Variants in MCMBP observed in about 807,000 individuals in gnomAD.
MCMBP encodes the protein mini-chromosome maintenance complex-binding protein.
In MCMBP, 31 loss-of-function variants were observed where a neutral mutation model predicts 81.3. That is an observed-to-expected ratio of 0.38 (90% CI 0.29 to 0.51). MCMBP has a LOEUF of 0.51. Ranked by LOEUF, MCMBP falls within the 20% of genes least tolerant of loss-of-function variation. The pLI is 0.87. For missense variants in MCMBP, 645 were observed against 772.1 expected, an observed-to-expected ratio of 0.84 and a Z score of 1.95; for synonymous variants, 267 against 275.9, an observed-to-expected ratio of 0.97 and a Z score of 0.32.
At chr10:119,858,790 C>T in intron 4 of MCMBP, 94 bp downstream of exon 4, 2 of 956,176 alleles carry the variant, frequency 2.1e-6, no homozygotes. Context: ...GTAACTTATA[C>T]ACAAGATAAA....
chr10:119,834,837 G>A (rs936421954), intron 14 of MCMBP, among the ~76,000 whole-genome samples: 2 of 134,466 alleles, frequency 1.5e-5, no homozygotes, highest in African/African-American at 5.7e-5. Context: ...ACTCTAGCCT[G>A]GATGACACAG....
chr10:119,860,802 C>T (rs921569843), intron 1 of MCMBP, among the ~76,000 whole-genome samples: 3 of 152,160 alleles, frequency 2.0e-5, no homozygotes, highest in African/African-American at 7.2e-5. Context: ...TCAAGTATAA[C>T]CGAACTGCTG....
rs559195191 is a variant in MCMBP at position 119,859,880 on chromosome 10, T to C, written c.63A>G (p.Gln21=). Residue 21 remains glutamine, a synonymous_variant, in exon 2 of 16, where the codon CAA becomes CAG. Transcript: ENST00000369077. Reference sequence around the variant, plus strand: ...TCTCCCAGTCAGGATTAACTCCATTTTGGGCTGAAAGAGAAATATACTTTT... The same window carrying C: ...TCTCCCAGTCAGGATTAACTCCATTCTGGGCTGAAAGAGAAATATACTTTT... The part of the protein sequence containing the change: ...PLGIVQGFFA[Q]NGVNPDWEKK... The C allele has an allele frequency of 1.9e-5, 30 of 1,609,956 alleles. No homozygotes were observed. In the East Asian group the frequency reaches 6.7e-4, roughly 36 times the overall value.
chr10:119,840,881 C>T lies in MCMBP; in HGVS notation c.1204G>A (p.Glu402Lys). The T allele has an allele frequency of 1.2e-6, 2 of 1,608,214 alleles. No individual in the cohort carries two copies. The highest frequency in any genetic ancestry group is 1.7e-6 in the Non-Finnish European group (2 of 1,177,928). ...SGCPRNSTFT[E>K]HLYRIIQHLV... ...TGTTGAATAATTCGATACAAGTGTT[C>T]TGTGAAGGTACTATTCCGTGGGCAA... The change falls in exon 11 of 16, where the codon GAA (glutamate) becomes AAA (lysine). Residue 402 changes from glutamate (E) to lysine (K), a missense_variant. Glu to Lys is a moderately conservative substitution (Grantham distance 56, BLOSUM62 1). Transcript: ENST00000369077.
chr10:119,834,671 C>T (rs1277494669), intron 14 of MCMBP, among the ~76,000 whole-genome samples: 1 of 151,692 alleles, frequency 6.6e-6, no homozygotes, highest in Non-Finnish European at 1.5e-5. Context: ...CAAACACACA[C>T]ACACACCCAA....
At chr10:119,842,965 C>G (rs935063171) in intron 9 of MCMBP, 2 of 392,602 alleles carry the variant, frequency 5.1e-6, no homozygotes, top group Non-Finnish European at 9.7e-6. Context: ...ATTGGCCAGG[C>G]TAGTCTCGAA....
intron 1 of MCMBP, among the ~76,000 whole-genome samples, chr10:119,869,728 T>C (rs1853599678): frequency 6.6e-6 from 1 of 151,790 alleles, no homozygotes; most frequent in Non-Finnish European, 1.5e-5. Flanking sequence ...CGAAACTCCA[T>C]CTCAAAAACA....
At chr10:119,852,060 G>A (rs1427009512) in intron 6 of MCMBP, among the ~76,000 whole-genome samples, 1 of 148,082 alleles carries the variant, frequency 6.8e-6, no homozygotes, top group African/African-American at 2.5e-5. Flanking sequence ...GCTGAGGCAG[G>A]AGAATTGCTT....
chr10:119,847,864 G>C (rs1852672037), intron 7 of MCMBP, 151 bp from the exon 8 acceptor site: 2 of 468,074 alleles, frequency 4.3e-6, no homozygotes, highest in East Asian at 3.3e-5. Context: ...TTGAGACCAA[G>C]AGTCATTCTG....
intron 1 of MCMBP, among the ~76,000 whole-genome samples, chr10:119,871,910 G>C (rs560744755): frequency 6.6e-6 from 1 of 152,340 alleles, no homozygotes; most frequent in South Asian, 2.1e-4. Context: ...ACAAACTCAA[G>C]TAGCTCAATA....
chr10:119,838,451 T>C, intron 12 of MCMBP, 84 bp downstream of exon 12: 1 of 1,343,674 alleles, frequency 7.4e-7, no homozygotes, highest in Non-Finnish European at 1.0e-6. Flanking sequence ...AATTTGTCCA[T>C]AGATACTCTT....
chr10:119,842,933 A>G (rs1266705325), intron 9 of MCMBP: 1 of 373,690 alleles, frequency 2.7e-6, no homozygotes. Flanking sequence ...TTGTATTTTT[A>G]GTAGAGCCAG....
At chr10:119,870,465 T>C (rs1853634133) in intron 1 of MCMBP, among the ~76,000 whole-genome samples, 1 of 151,906 alleles carries the variant, frequency 6.6e-6, no homozygotes, top group African/African-American at 2.4e-5. Context: ...AATGCATATT[T>C]CAAAATAAAA....
chr10:119,837,241 G>A lies in MCMBP; in HGVS notation c.1409-212C>T, dbSNP rs3765507. 4.2e-3 allele frequency among the ~76,000 whole-genome samples: 643 copies of A among 152,086 alleles called. 21 individuals carry two copies. In the East Asian group the frequency reaches 0.088, roughly 21 times the overall value. ...CTTTCTGGGGGCAGGCGATACCCCC[G>A]CAAATCTAATACCTAGCATCTGGTA... On this transcript the variant is annotated intron_variant, in intron 12 of 15. Transcript: ENST00000369077.
At chr10:119,871,343 ATTT>A (rs1158096426) in intron 1 of MCMBP, among the ~76,000 whole-genome samples, 1 of 145,490 alleles carries the variant, frequency 6.9e-6, no homozygotes, top group South Asian at 2.2e-4. Flanking sequence ...TATATAGTGA[ATTT>A]TTTTTTTTTT....
At chr10:119,831,981 G>C in intron 15 of MCMBP, 31 bp downstream of exon 15, 8 of 1,580,700 alleles carry the variant, frequency 5.1e-6, no homozygotes, top group Non-Finnish European at 6.0e-6. Context: ...CAAGCTTACC[G>C]AAACAGCAAT....
chr10:119,862,909 T>C (rs1185929529), intron 1 of MCMBP, among the ~76,000 whole-genome samples: 1 of 152,252 alleles, frequency 6.6e-6, no homozygotes, highest in African/African-American at 2.4e-5. Flanking sequence ...CTAACAATGC[T>C]GAACTCTTCT....
chr10:119,837,004 G>C lies in MCMBP; in HGVS notation c.1434C>G (p.Ser478Arg). The change falls in exon 13 of 16, where the codon AGC becomes AGG. Residue 478 changes from serine (S) to arginine (R), a missense_variant. Ser to Arg is a moderately radical substitution (Grantham distance 110, BLOSUM62 -1). Coordinates refer to ENST00000369077, the MANE Select transcript of MCMBP (RefSeq NM_001256378.2). Reference sequence around the variant, plus strand: ...CCACCTTCTGCCACGTTATGAGGTTGCTCAGGGCTGTCACATTATGAACAC... The same window carrying C: ...CCACCTTCTGCCACGTTATGAGGTTCCTCAGGGCTGTCACATTATGAACAC... ...TPGVHNVTAL[S>R]NLITWQKVDY... The C allele has an allele frequency of 6.2e-7, 1 of 1,613,590 alleles. No homozygotes were observed. The highest frequency in any genetic ancestry group is 8.5e-7 in the Non-Finnish European group (1 of 1,179,786).
upstream of MCMBP, chr10:119,873,312 C>T (rs1336601273): frequency 1.3e-5 from 2 of 152,184 alleles, no homozygotes; most frequent in Non-Finnish European, 2.9e-5. Flanking sequence ...GGTGACTTTT[C>T]CCTCAGCTGC....
Sources: gnomAD v4.1 joint callset for allele counts (sites outside exome capture counted in the v4.1 genomes callset) on GRCh38, gnomAD v4.1.1 for gene constraint, MANE v1.5 for transcripts, NCBI Gene and HGNC (gene_info 2026-07-23, HGNC 2026-07-21) for gene names.